GRIK2: variants seen among roughly 807,000 people sequenced by gnomAD.
The protein encoded by GRIK2 is glutamate receptor ionotropic, kainate 2.
A neutral mutation model predicts 100.3 loss-of-function variants in GRIK2; 32 were observed. The ratio of observed to expected loss-of-function variants is 0.32; its 90% CI spans 0.24 to 0.43. The LOEUF (loss-of-function observed/expected upper bound fraction) is 0.43. Among genes scored for constraint, GRIK2 ranks in the 20% least tolerant of loss-of-function variants. GRIK2 has a pLI of 1.00. For synonymous variants in GRIK2, 417 were observed against 389.4 expected, an observed-to-expected ratio of 1.07 and a Z score of -0.83; for missense variants, 843 against 1,114.9, an observed-to-expected ratio of 0.76 and a Z score of 3.47.
Position 101,558,386 on chromosome 6 carries a change from A to T in GRIK2, c.116-63563A>T, listed in dbSNP as rs111377100. On this transcript the variant is annotated intron_variant, in intron 2 of 16. Coordinates refer to ENST00000369134, the MANE Select transcript of GRIK2 (RefSeq NM_021956.5). ...CTGAGTGCTCTAACACAACTGTGTG[A>T]CAAGTAAGACAATGTGGGGCAAAGA... 6.6e-5 allele frequency among the ~76,000 whole-genome samples: 10 copies of T among 152,314 alleles called. 1 individual carries two copies. The highest frequency in any genetic ancestry group is 2.4e-4 in the African/African-American group (10 of 41,578).
At chr6:101,475,903 G>A (rs1371429747) in intron 2 of GRIK2, among the ~76,000 whole-genome samples, 1 of 151,888 alleles carries the variant, frequency 6.6e-6, no homozygotes, top group Non-Finnish European at 1.5e-5. Context: ...TATTAGAGGA[G>A]CATTATAAAG....
At chr6:101,626,146 T>C (rs1012935152) in intron 3 of GRIK2, among the ~76,000 whole-genome samples, 2 of 152,158 alleles carry the variant, frequency 1.3e-5, no homozygotes, top group African/African-American at 4.8e-5. Context: ...CCCCTGACAT[T>C]ATTTATAGAA....
intron 13 of GRIK2, among the ~76,000 whole-genome samples, chr6:101,925,721 G>T (rs1789845387): frequency 6.6e-6 from 1 of 151,484 alleles, no homozygotes; most frequent in Non-Finnish European, 1.5e-5. Flanking sequence ...TTTTTGTTGT[G>T]TATTTAATAT....
At chr6:101,953,775 A>C (rs1445085898) in intron 14 of GRIK2, among the ~76,000 whole-genome samples, 3 of 152,082 alleles carry the variant, frequency 2.0e-5, no homozygotes, top group Non-Finnish European at 4.4e-5. Context: ...ATTTATTATA[A>C]TTATTTATTG....
At chr6:101,808,766 TAGAA>T (rs1562404440) in intron 9 of GRIK2, among the ~76,000 whole-genome samples, 1 of 151,914 alleles carries the variant, frequency 6.6e-6, no homozygotes, top group African/African-American at 2.4e-5. Context: ...CTTTGAAAAA[TAGAA>T]AGGATAAAAC....
chr6:101,595,718 G>GTGTATATATATATATATATA (rs1212283441), intron 2 of GRIK2, among the ~76,000 whole-genome samples: 1 of 122,328 alleles, frequency 8.2e-6, no homozygotes, highest in African/African-American at 3.2e-5. Context: ...GTGTGTGTGT[G>GTGTATATATATATATATATA]TATATATATA....
chr6:102,065,846 A>T, intron 16 of GRIK2: 2 of 1,495,206 alleles, frequency 1.3e-6, no homozygotes, highest in Middle Eastern at 1.7e-4. Flanking sequence ...CCTATTTTGG[A>T]GTCAGTTTCC....
At chr6:101,734,672 G>A (rs191273393) in intron 7 of GRIK2, among the ~76,000 whole-genome samples, 1 of 152,286 alleles carries the variant, frequency 6.6e-6, no homozygotes, top group Admixed American at 6.5e-5. Context: ...GAAAGAGGCT[G>A]GAGCAGATCC....
At position 101,807,533 on chromosome 6, in the gene GRIK2, A is replaced by G. The variant is rs546843616; in HGVS notation, c.1203+5095A>G. ...CCTTCATCACTTGCATTAAACAGGG[A>G]TTCAAAGGCAAGCAGGGGAGTGGAA... On this transcript the variant is annotated intron_variant, in intron 9 of 16. Transcript: ENST00000369134. Among the ~76,000 whole-genome samples the G allele has an allele frequency of 1.1e-3, 171 of 152,060 alleles. 1 individual carries two copies. The highest frequency in any genetic ancestry group is 3.3e-3 in the African/African-American group (135 of 41,500).
intron 10 of GRIK2, among the ~76,000 whole-genome samples, chr6:101,848,969 A>G (rs1299921367): frequency 6.6e-6 from 1 of 152,006 alleles, no homozygotes; most frequent in Non-Finnish European, 1.5e-5. Flanking sequence ...TGAGAAGAAT[A>G]CCTTTTACCC....
At chr6:102,033,283 G>T (rs9322628) in intron 14 of GRIK2, among the ~76,000 whole-genome samples, 22,087 of 151,032 alleles carry the variant, frequency 0.15, 1,760 homozygotes, top group Middle Eastern at 0.24. Flanking sequence ...TATGAATCAA[G>T]ACAGACATAA....
chr6:101,876,612 A>G (rs571185533), intron 11 of GRIK2, among the ~76,000 whole-genome samples: 1 of 152,002 alleles, frequency 6.6e-6, no homozygotes, highest in South Asian at 2.1e-4. Context: ...AAGTTCAAAG[A>G]GAGCTTATCA....
chr6:101,526,804 G>A (rs1012669060), intron 2 of GRIK2, among the ~76,000 whole-genome samples: 4 of 152,146 alleles, frequency 2.6e-5, no homozygotes, highest in Admixed American at 6.6e-5. Flanking sequence ...TAGCCCATGG[G>A]CCCCATAGAA....
intron 2 of GRIK2, among the ~76,000 whole-genome samples, chr6:101,576,428 G>C (rs1450509555): frequency 6.6e-6 from 1 of 151,954 alleles, no homozygotes; most frequent in East Asian, 1.9e-4. Flanking sequence ...ATTCCTCTGG[G>C]ATGAATACAA....
At chr6:102,038,104 ATC>A (rs1286756590) in intron 15 of GRIK2, among the ~76,000 whole-genome samples, 2 of 151,444 alleles carry the variant, frequency 1.3e-5, no homozygotes, top group Non-Finnish European at 3.0e-5. Context: ...AGGATTGTAT[ATC>A]TCAGGTCCAT....
chr6:102,051,815 C>A (rs114484901), intron 15 of GRIK2, among the ~76,000 whole-genome samples: 2,554 of 152,220 alleles, frequency 0.017, 74 homozygotes, highest in African/African-American at 0.059. Context: ...CTAATAGACA[C>A]ATTTATAATT....
At chr6:101,865,135 C>A (rs1484168516) in intron 11 of GRIK2, among the ~76,000 whole-genome samples, 2 of 152,204 alleles carry the variant, frequency 1.3e-5, no homozygotes, top group South Asian at 2.1e-4. Flanking sequence ...TCTTAAAAAA[C>A]CGGAATGAGA....
At chr6:101,633,545 G>A (rs1780868847) in intron 4 of GRIK2, among the ~76,000 whole-genome samples, 1 of 152,046 alleles carries the variant, frequency 6.6e-6, no homozygotes, top group Non-Finnish European at 1.5e-5. Flanking sequence ...AATGCTATGG[G>A]CCATGTGCCA....
At chr6:101,691,610 T>C (rs1410498263) in intron 7 of GRIK2, among the ~76,000 whole-genome samples, 2 of 152,118 alleles carry the variant, frequency 1.3e-5, no homozygotes, top group Admixed American at 1.3e-4. Context: ...CCATTAGAAA[T>C]ACTTTTGATT....
Sources: allele counts gnomAD v4.1 joint callset (sites outside exome capture counted in the v4.1 genomes callset), GRCh38; gene constraint gnomAD v4.1.1; transcripts MANE v1.5; gene names NCBI Gene and HGNC (gene_info 2026-07-23, HGNC 2026-07-21).